EYS: variants seen among roughly 807,000 people sequenced by gnomAD.
EYS encodes the protein protein eyes shut homolog.
EYS carries 250 observed loss-of-function variants against 282.1 expected under a neutral mutation model. That is an observed-to-expected ratio of 0.89 (90% CI 0.80 to 0.98). EYS has a LOEUF of 0.98. Ranked by LOEUF, EYS falls within the 50% of genes least tolerant of loss-of-function variation. The pLI, the probability that EYS is intolerant of heterozygous loss-of-function variation, is 0.00. For synonymous variants in EYS, 1,355 were observed against 1,282.9 expected (o/e 1.06, Z -1.20); for missense variants, 4,016 against 3,709.0 (o/e 1.08, Z -2.15).
intron 11 of EYS, among the ~76,000 whole-genome samples, chr6:65,310,921 T>C (rs1001286874): frequency 6.6e-6 from 1 of 152,074 alleles, no homozygotes; most frequent in Non-Finnish European, 1.5e-5. Context: ...TAAAATATTA[T>C]TTATTTCTTA....
At chr6:65,596,848 A>T (rs1765426138) in intron 2 of EYS, among the ~76,000 whole-genome samples, 1 of 152,092 alleles carries the variant, frequency 6.6e-6, no homozygotes, top group South Asian at 2.1e-4. Context: ...TTAATATCTT[A>T]TTCTAAGTAT....
At chr6:64,109,470 C>G (rs112730358) in intron 31 of EYS, among the ~76,000 whole-genome samples, 1,579 of 152,018 alleles carry the variant, frequency 0.01, 28 homozygotes, top group African/African-American at 0.036. Flanking sequence ...TTTGCTATAT[C>G]TATTTTGAGA....
At position 64,591,152 on chromosome 6, in the gene EYS, T is replaced by C. The variant is rs1766395912; in HGVS notation, c.4715A>G (p.Asp1572Gly). Residue 1572 changes from aspartate to glycine, a missense_variant, in exon 26 of 43, where the codon GAT becomes GGT. By Grantham distance (94) the Asp-to-Gly change is moderately conservative (BLOSUM62 -1). Transcript: ENST00000503581. Reference protein sequence around the residue: ...TEIKSSREFSDQVLHSKQSHF... With the variant: ...TEIKSSREFSGQVLHSKQSHF... ...GGACTGTTTGCTATGCAAAACTTGA[T>C]CTGAGAATTCACGAGAGGATTTTAT... The C allele has an allele frequency of 2.6e-6, 4 of 1,551,230 alleles. No individual in the cohort carries two copies. Among genetic ancestry groups the C allele is most frequent in the African/African-American group, 1.4e-5 (1 of 73,012 alleles).
chr6:65,265,689 G>T (rs1475613315), intron 12 of EYS, among the ~76,000 whole-genome samples: 3 of 151,992 alleles, frequency 2.0e-5, no homozygotes, highest in South Asian at 2.1e-4. Context: ...AAAACAGGAT[G>T]ACTTTGTGGG....
intron 36 of EYS, chr6:63,857,835 C>T (rs1403297930): frequency 1.0e-5 from 2 of 195,160 alleles, no homozygotes; most frequent in South Asian, 9.4e-5. Context: ...TATCTGGTTC[C>T]TCTTCCTTGT....
chr6:65,512,097 T>G (rs1029709245), intron 2 of EYS, among the ~76,000 whole-genome samples: 16 of 152,032 alleles, frequency 1.1e-4, no homozygotes, highest in African/African-American at 3.6e-4. Context: ...GTTGATCACC[T>G]TCAGGTTACC....
chr6:63,822,664 A>C (rs1771354231), intron 36 of EYS: 1 of 152,228 alleles, frequency 6.6e-6, no homozygotes. Flanking sequence ...TGTCTCGTAC[A>C]AATTTTTCTC....
rs183375346 is a variant in EYS at position 65,480,060 on chromosome 6, G to A, written c.862+10534C>T. On this transcript the variant is annotated intron_variant, in intron 5 of 42. Transcript: ENST00000503581. ...CGTGCCTGTAGTCCCAGCTACTTGG[G>A]AGGCTGAGGCAGGAGAATCGCTTGA... Among the ~76,000 whole-genome samples the A allele has an allele frequency of 8.2e-4, 124 of 152,136 alleles. 1 individual carries two copies. The highest frequency in any genetic ancestry group is 3.4e-3 in the Middle Eastern group (1 of 294).
intron 2 of EYS, among the ~76,000 whole-genome samples, chr6:65,549,773 G>T (rs899423048): frequency 8.5e-5 from 13 of 152,328 alleles, no homozygotes; most frequent in African/African-American, 3.1e-4. Flanking sequence ...TCCTCAGGAA[G>T]AATTTTTCTG....
chr6:63,895,901 A>ATTTTTT (rs1773524170), intron 35 of EYS, among the ~76,000 whole-genome samples: 1 of 22,658 alleles, frequency 4.4e-5, no homozygotes, highest in African/African-American at 1.5e-4. Context: ...TGAGATCATG[A>ATTTTTT]TTTGTTTTTT....
At chr6:65,275,077 G>T (rs1028522180) in intron 12 of EYS, among the ~76,000 whole-genome samples, 1 of 152,174 alleles carries the variant, frequency 6.6e-6, no homozygotes, top group Non-Finnish European at 1.5e-5. Context: ...AGATTGCTGT[G>T]CAAGCTACTC....
intron 30 of EYS, among the ~76,000 whole-genome samples, chr6:64,260,804 C>T (rs921416778): frequency 6.6e-6 from 1 of 151,700 alleles, no homozygotes; most frequent in Admixed American, 6.6e-5. Flanking sequence ...ATTGGTATAT[C>T]TCCATTAGTT....
At position 65,287,928 on chromosome 6, in the gene EYS, C is replaced by G. The variant is rs752405677; in HGVS notation, c.2023+7935G>C. The stretch of plus-strand genomic sequence containing the variant: ...CTATATTCTATTTGGTTAGATTAGC[C>G]TTCGGTACACTCAAAGTCCAGGGAT... On this transcript the variant is annotated intron_variant, in intron 12 of 42. Coordinates refer to ENST00000503581, the MANE Select transcript of EYS (RefSeq NM_001142800.2). 4.6e-4 allele frequency among the ~76,000 whole-genome samples: 69 copies of G among 151,044 alleles called. 1 individual carries two copies. Among genetic ancestry groups the G allele is most frequent in the Non-Finnish European group, 8.5e-4 (57 of 67,314 alleles).
intron 31 of EYS, among the ~76,000 whole-genome samples, chr6:64,162,994 T>C (rs1775155216): frequency 6.6e-6 from 1 of 152,044 alleles, no homozygotes; most frequent in African/African-American, 2.4e-5. Flanking sequence ...AAATAGATAC[T>C]AAGGGAAAAA....
intron 15 of EYS, among the ~76,000 whole-genome samples, chr6:64,916,115 G>T (rs1401063997): frequency 6.6e-6 from 1 of 152,096 alleles, no homozygotes; most frequent in African/African-American, 2.4e-5. Flanking sequence ...AATTTTAAGA[G>T]GAGAAAAGCT....
chr6:64,120,219 G>A (rs1236604597), intron 31 of EYS, among the ~76,000 whole-genome samples: 71 of 151,414 alleles, frequency 4.7e-4, no homozygotes, highest in East Asian at 2.7e-3. Flanking sequence ...AGCCAGGCAT[G>A]GTGGCGGGCC....
chr6:63,821,076 T>C (rs1423042246), intron 36 of EYS, among the ~76,000 whole-genome samples: 1 of 152,034 alleles, frequency 6.6e-6, no homozygotes, highest in Non-Finnish European at 1.5e-5. Context: ...TCTGCTAGCA[T>C]GGCAAAGTTT....
intron 31 of EYS, among the ~76,000 whole-genome samples, chr6:64,148,692 A>G (rs1029657304): frequency 2.0e-5 from 3 of 152,060 alleles, no homozygotes; most frequent in Admixed American, 6.6e-5. Flanking sequence ...TCTTTGTCCT[A>G]TACTTTCTTT....
chr6:64,199,731 GA>G (rs137910520), intron 31 of EYS, among the ~76,000 whole-genome samples: 37,989 of 150,420 alleles, frequency 0.25, 5,793 homozygotes, highest in East Asian at 0.44. Context: ...AAATTTACAA[GA>G]AAAAAAAATC....
Sources: allele counts gnomAD v4.1 joint callset (sites outside exome capture counted in the v4.1 genomes callset), GRCh38; gene constraint gnomAD v4.1.1; transcripts MANE v1.5; gene names NCBI Gene and HGNC (gene_info 2026-07-23, HGNC 2026-07-21).